NDUFAF2: variants seen among roughly 807,000 people sequenced by gnomAD.
The protein encoded by NDUFAF2 is NADH:ubiquinone oxidoreductase complex assembly factor 2, also known as NADH dehydrogenase [ubiquinone] 1 alpha subcomplex assembly factor 2.
NDUFAF2 carries 13 observed loss-of-function variants against 22.8 expected under a neutral mutation model. The observed-to-expected ratio is 0.57, with a 90% confidence interval of 0.37 to 0.91. NDUFAF2 has a LOEUF of 0.91. Among genes scored for constraint, NDUFAF2 ranks in the 40% least tolerant of loss-of-function variants. The probability of loss-of-function intolerance (pLI) is 0.01; values close to 1 mark genes in which losing one functional copy is unlikely to be tolerated. For missense variants in NDUFAF2, 162 were observed against 195.2 expected (o/e 0.83, Z 1.01); for synonymous variants, 53 against 64.2 (o/e 0.83, Z 0.84).
intron 1 of NDUFAF2, among the ~76,000 whole-genome samples, chr5:61,066,699 T>G (rs1752232595): frequency 6.6e-6 from 1 of 152,164 alleles, no homozygotes; most frequent in Non-Finnish European, 1.5e-5. Flanking sequence ...TCTGTATACT[T>G]TAAATTATCT....
chr5:61,094,677 AGTTT>A (rs777044950), intron 2 of NDUFAF2, among the ~76,000 whole-genome samples: 10 of 151,850 alleles, frequency 6.6e-5, no homozygotes, highest in Admixed American at 5.9e-4. Flanking sequence ...TTTATTTTTT[AGTTT>A]GTTTGTTTCT....
intron 3 of NDUFAF2, among the ~76,000 whole-genome samples, chr5:61,128,897 T>C (rs150760943): frequency 0.52 from 78,664 of 151,222 alleles, 21,642 homozygotes; most frequent in East Asian, 0.91. Flanking sequence ...TGCAATCTAC[T>C]CAACTGACAA....
intron 1 of NDUFAF2, among the ~76,000 whole-genome samples, chr5:60,986,876 G>A (rs1751086672): frequency 6.7e-6 from 1 of 150,152 alleles, no homozygotes; most frequent in African/African-American, 2.5e-5. Flanking sequence ...AGGTTGCAGT[G>A]AGCTGAGATT....
intron 2 of NDUFAF2, among the ~76,000 whole-genome samples, chr5:61,090,187 G>C (rs904319000): frequency 3.3e-5 from 5 of 151,886 alleles, no homozygotes; most frequent in African/African-American, 9.7e-5. Context: ...TTCGCTAAAG[G>C]GATTATACTT....
rs1752321481 is a variant in NDUFAF2 at position 61,073,115 on chromosome 5, T to C, written c.128-10T>C. ...CATTTAAAAATGTATTAATGACTTT[T>C]GTCTTATAGGACAAACTATTCGAGA... On this transcript the variant is annotated splice_polypyrimidine_tract_variant and intron_variant, in intron 1 of 3. Coordinates refer to ENST00000296597, the MANE Select transcript of NDUFAF2 (RefSeq NM_174889.5). 2 of 1,570,418 alleles carry C rather than the reference T, an allele frequency of 1.3e-6. No homozygotes were observed. The highest frequency in any genetic ancestry group is 1.8e-6 in the Non-Finnish European group (2 of 1,141,192).
intron 1 of NDUFAF2, among the ~76,000 whole-genome samples, chr5:61,030,995 A>G (rs1751715908): frequency 6.6e-6 from 1 of 152,098 alleles, no homozygotes; most frequent in Admixed American, 6.6e-5. Context: ...TTCTCTGGTC[A>G]TATCACCAGC....
chr5:61,029,866 T>A (rs1751700950), intron 1 of NDUFAF2, among the ~76,000 whole-genome samples: 1 of 152,174 alleles, frequency 6.6e-6, no homozygotes, highest in Non-Finnish European at 1.5e-5. Context: ...CAATCTTCTT[T>A]TCACAGTCAC....
chr5:60,959,310 T>C (rs1750655202), intron 1 of NDUFAF2, among the ~76,000 whole-genome samples: 1 of 151,996 alleles, frequency 6.6e-6, no homozygotes, highest in East Asian at 1.9e-4. Flanking sequence ...ACTGTTAAAT[T>C]TTTTTTGAAT....
intron 3 of NDUFAF2, among the ~76,000 whole-genome samples, chr5:61,100,326 A>G (rs141238394): frequency 1.3e-5 from 2 of 152,208 alleles, no homozygotes; most frequent in African/African-American, 2.4e-5. Context: ...AATGGAGGCA[A>G]TTGCAATAGT....
chr5:61,052,373 C>T (rs763252656), intron 1 of NDUFAF2, among the ~76,000 whole-genome samples: 48 of 152,076 alleles, frequency 3.2e-4, no homozygotes, highest in Non-Finnish European at 6.2e-4. Flanking sequence ...TGCAGTGGTG[C>T]GTTCTCTGCT....
chr5:61,126,670 T>A (rs1307682316), intron 3 of NDUFAF2, among the ~76,000 whole-genome samples: 1 of 152,084 alleles, frequency 6.6e-6, no homozygotes, highest in Non-Finnish European at 1.5e-5. Context: ...CAAAATTTAT[T>A]TGCGTATTGG....
At chr5:60,988,813 A>C (rs12696977) in intron 1 of NDUFAF2, among the ~76,000 whole-genome samples, 9,677 of 152,184 alleles carry the variant, frequency 0.064, 1,013 homozygotes, top group African/African-American at 0.22. Context: ...AAAATCTAAA[A>C]CTATAATACC....
chr5:61,149,464 A>G (rs10035893), intron 3 of NDUFAF2, among the ~76,000 whole-genome samples: 7,047 of 152,230 alleles, frequency 0.046, 557 homozygotes, highest in African/African-American at 0.16. Context: ...AGAATTACCC[A>G]TGTGGATTGT....
At chr5:61,031,727 T>C (rs1185059506) in intron 1 of NDUFAF2, among the ~76,000 whole-genome samples, 1 of 152,198 alleles carries the variant, frequency 6.6e-6, no homozygotes, top group East Asian at 1.9e-4. Context: ...TTATAATCCT[T>C]TGAGTATATA....
intron 1 of NDUFAF2, among the ~76,000 whole-genome samples, chr5:61,070,804 C>A (rs149940561): frequency 3.3e-5 from 5 of 152,226 alleles, no homozygotes; most frequent in African/African-American, 9.6e-5. Context: ...TGTCTATCCT[C>A]TCCCCATGTG....
chr5:61,081,780 C>T (rs1276863815), intron 2 of NDUFAF2, among the ~76,000 whole-genome samples: 2 of 152,220 alleles, frequency 1.3e-5, no homozygotes, highest in Non-Finnish European at 2.9e-5. Flanking sequence ...CAAAAACTTA[C>T]ATACCATTGG....
intron 1 of NDUFAF2, among the ~76,000 whole-genome samples, chr5:60,981,349 A>C (rs1750974974): frequency 6.6e-6 from 1 of 152,208 alleles, no homozygotes; most frequent in Admixed American, 6.5e-5. Flanking sequence ...AATGTCCTTC[A>C]AACATAAAGG....
chr5:60,965,189 A>G (rs890470683), intron 1 of NDUFAF2, among the ~76,000 whole-genome samples: 8 of 152,184 alleles, frequency 5.3e-5, no homozygotes, highest in African/African-American at 1.9e-4. Flanking sequence ...TACCTAAAGT[A>G]AATGATTTCA....
intron 1 of NDUFAF2, among the ~76,000 whole-genome samples, chr5:60,968,917 A>G (rs1327249743): frequency 6.6e-6 from 1 of 151,814 alleles, no homozygotes; most frequent in Admixed American, 6.6e-5. Flanking sequence ...TCATGAATTC[A>G]GTTGTTTTAA....
Sources: gnomAD v4.1 joint callset for allele counts (sites outside exome capture counted in the v4.1 genomes callset) on GRCh38, gnomAD v4.1.1 for gene constraint, MANE v1.5 for transcripts, NCBI Gene and HGNC (gene_info 2026-07-23, HGNC 2026-07-21) for gene names.